GRIN2B: variants seen among roughly 807,000 people sequenced by gnomAD.
GRIN2B encodes the protein glutamate receptor ionotropic, NMDA 2B.
A neutral mutation model predicts 114.5 loss-of-function variants in GRIN2B; 5 were observed. The ratio of observed to expected loss-of-function variants is 0.04; its 90% CI spans 0.02 to 0.09. GRIN2B has a LOEUF of 0.09. Ranked by LOEUF, GRIN2B falls within the 10% of genes least tolerant of loss-of-function variation. GRIN2B has a pLI of 1.00. For synonymous variants in GRIN2B, 787 were observed against 745.1 expected (o/e 1.06, Z -0.92); for missense variants, 1,108 against 1,943.5 (o/e 0.57, Z 8.08).
At chr12:13,917,632 G>A (rs536724357) in intron 2 of GRIN2B, among the ~76,000 whole-genome samples, 59 of 150,860 alleles carry the variant, frequency 3.9e-4, no homozygotes, top group African/African-American at 1.3e-3. Context: ...GATCTTCTAC[G>A]CCATGCTTAA....
At chr12:13,776,841 GC>G (rs1374542334) in intron 3 of GRIN2B, among the ~76,000 whole-genome samples, 1 of 152,090 alleles carries the variant, frequency 6.6e-6, no homozygotes, top group African/African-American at 2.4e-5. Context: ...GGAGACAGGA[GC>G]CCCCAAAACT....
intron 2 of GRIN2B, among the ~76,000 whole-genome samples, chr12:13,955,647 AT>A (rs2136854633): frequency 6.6e-6 from 1 of 152,298 alleles, no homozygotes; most frequent in African/African-American, 2.4e-5. Flanking sequence ...AGAATTCATC[AT>A]GTACACTGGA....
intron 2 of GRIN2B, among the ~76,000 whole-genome samples, chr12:13,937,954 G>C (rs1011921861): frequency 6.6e-6 from 1 of 152,014 alleles, no homozygotes; most frequent in African/African-American, 2.4e-5. Flanking sequence ...CAGGAAGTAT[G>C]CAATGTCATA....
At chr12:13,932,463 C>A (rs1466625864) in intron 2 of GRIN2B, among the ~76,000 whole-genome samples, 2 of 152,184 alleles carry the variant, frequency 1.3e-5, no homozygotes, top group Non-Finnish European at 2.9e-5. Context: ...CACTACATTC[C>A]CAGTGGCTAC....
chr12:13,884,611 T>A (rs1866123923), intron 2 of GRIN2B, among the ~76,000 whole-genome samples: 1 of 152,092 alleles, frequency 6.6e-6, no homozygotes, highest in Admixed American at 6.6e-5. Context: ...CCAATAACAC[T>A]GGCTAGGACC....
intron 5 of GRIN2B, among the ~76,000 whole-genome samples, chr12:13,663,232 T>G (rs1213783755): frequency 6.6e-6 from 1 of 152,222 alleles, no homozygotes; most frequent in Non-Finnish European, 1.5e-5. Flanking sequence ...TGACTAACCA[T>G]GACTATGGGC....
chr12:13,746,128 A>G (rs1863378773), intron 4 of GRIN2B, among the ~76,000 whole-genome samples: 1 of 152,164 alleles, frequency 6.6e-6, no homozygotes, highest in Non-Finnish European at 1.5e-5. Context: ...AGGGTGGGGA[A>G]TACAAGTTGC....
chr12:13,758,688 C>A lies in GRIN2B; in HGVS notation c.412-4773G>T, dbSNP rs149739530. On this transcript the variant is annotated intron_variant, in intron 3 of 13. Coordinates refer to ENST00000609686, the MANE Select transcript of GRIN2B (RefSeq NM_000834.5). The stretch of plus-strand genomic sequence containing the variant: ...AAATTTTATGATTATCCTTAAGACC[C>A]AATTCAAATGTCAGGTCTTTTAGGT... Among the ~76,000 whole-genome samples the A allele has an allele frequency of 1.1e-4, 16 of 152,284 alleles. No individual in the cohort carries two copies. The East Asian group carries it at 3.1e-3, about 29-fold the overall frequency.
chr12:13,806,853 T>C (rs77248224), intron 3 of GRIN2B, among the ~76,000 whole-genome samples: 6,910 of 152,256 alleles, frequency 0.045, 216 homozygotes, highest in Admixed American at 0.068. Context: ...TTACAGTTTC[T>C]GGTCTTATGT....
At chr12:13,766,178 G>A (rs1863782718) in intron 3 of GRIN2B, among the ~76,000 whole-genome samples, 1 of 152,178 alleles carries the variant, frequency 6.6e-6, no homozygotes, top group African/African-American at 2.4e-5. Flanking sequence ...CTTATCAGGT[G>A]CTGTAGGAAG....
intron 2 of GRIN2B, among the ~76,000 whole-genome samples, chr12:13,947,593 G>C (rs1397899035): frequency 6.6e-6 from 1 of 152,160 alleles, no homozygotes; most frequent in African/African-American, 2.4e-5. Context: ...GCAACAGAAT[G>C]TTTCAACATC....
chr12:13,821,409 A>C (rs1049869150), intron 3 of GRIN2B, among the ~76,000 whole-genome samples: 2 of 152,144 alleles, frequency 1.3e-5, no homozygotes, highest in African/African-American at 4.8e-5. Flanking sequence ...TGCATCCCTC[A>C]TCCTTTAAGA....
chr12:13,777,216 GA>G (rs1308070423), intron 3 of GRIN2B, among the ~76,000 whole-genome samples: 1 of 152,150 alleles, frequency 6.6e-6, no homozygotes, highest in African/African-American at 2.4e-5. Context: ...AGAAAATAAA[GA>G]GTTAAAAATG....
chr12:13,720,089 T>A (rs1950493382), intron 4 of GRIN2B, among the ~76,000 whole-genome samples: 1 of 151,972 alleles, frequency 6.6e-6, no homozygotes, highest in Non-Finnish European at 1.5e-5. Flanking sequence ...AACCAGAGTC[T>A]CAGTTCCCTG....
chr12:13,972,429 C>T (rs574912842), intron 2 of GRIN2B, among the ~76,000 whole-genome samples: 1 of 96,782 alleles, frequency 1.0e-5, no homozygotes, highest in African/African-American at 2.7e-5. Flanking sequence ...AAGACCACCA[C>T]CTCCTAAGAC....
In GRIN2B at chr12:13,615,654, C is replaced by G; in HGVS notation, c.1339G>C (p.Asp447His). The change falls in exon 7 of 14, where the codon GAC becomes CAC. Residue 447 changes from aspartate (D) to histidine (H), a missense_variant. By Grantham distance (81) the Asp-to-His change is moderately conservative. This residue lies in a region of GRIN2B where 26 missense variants were observed against 23.5 expected (regional missense o/e 1.11). Transcript: ENST00000609686. This position sits in a 1 kb window ranked among gnomAD's most constrained non-coding sequence, Gnocchi z 5.8. Reference sequence around the variant, plus strand: ...TTTTTGATGTAACCCGGCTCCTCGTCTGTTTTATTCCTAGCCAATTAAAGA... The same window carrying G: ...TTTTTGATGTAACCCGGCTCCTCGTGTGTTTTATTCCTAGCCAATTAAAGA... Reference protein sequence around the residue: ...QKRIVTENKTDEEPGYIKKCC... With the variant: ...QKRIVTENKTHEEPGYIKKCC... 1 of 1,613,206 alleles carries G rather than the reference C, an allele frequency of 6.2e-7. No individual in the cohort carries two copies. The highest frequency in any genetic ancestry group is 8.5e-7 in the Non-Finnish European group (1 of 1,179,164).
intron 3 of GRIN2B, among the ~76,000 whole-genome samples, chr12:13,864,723 T>G (rs1279346280): frequency 2.0e-5 from 3 of 152,220 alleles, no homozygotes; most frequent in Admixed American, 6.5e-5. Flanking sequence ...CAGTGTCAAG[T>G]GGCAATTAGT....
At chr12:13,931,935 GTC>G (rs1051715845) in intron 2 of GRIN2B, among the ~76,000 whole-genome samples, 1 of 152,120 alleles carries the variant, frequency 6.6e-6, no homozygotes, top group Admixed American at 6.6e-5. Flanking sequence ...CCACCTAAGT[GTC>G]TCTCTCCCTT....
chr12:13,784,490 G>A (rs1864187694), intron 3 of GRIN2B, among the ~76,000 whole-genome samples: 1 of 151,948 alleles, frequency 6.6e-6, no homozygotes, highest in Non-Finnish European at 1.5e-5. Context: ...CACTAATGAT[G>A]GCCTCCCTGT....
Sources: allele counts gnomAD v4.1 joint callset (sites outside exome capture counted in the v4.1 genomes callset), GRCh38; gene constraint gnomAD v4.1.1; regional missense constraint gnomAD v4.1.1; non-coding constraint Gnocchi (gnomAD v3.1); transcripts MANE v1.5; gene names NCBI Gene and HGNC (gene_info 2026-07-23, HGNC 2026-07-21).